The following TMEM132C variants were observed in gnomAD, a reference collection of about 807,000 sequenced individuals.
TMEM132C encodes transmembrane protein 132C.
A neutral mutation model predicts 61.4 loss-of-function variants in TMEM132C; 29 were observed. The observed-to-expected ratio is 0.47, with a 90% CI of 0.35 to 0.64. The LOEUF is 0.64. Ranked by LOEUF, TMEM132C falls within the 30% of genes least tolerant of loss-of-function variation. The pLI is 0.00. For synonymous variants in TMEM132C, 656 were observed against 633.1 expected, an observed-to-expected ratio of 1.04 and a Z score of -0.54; for missense variants, 1,408 against 1,476.9, an observed-to-expected ratio of 0.95 and a Z score of 0.76.
chr12:128,650,683 C>A (rs1215850505), intron 4 of TMEM132C, among the ~76,000 whole-genome samples: 1 of 151,968 alleles, frequency 6.6e-6, no homozygotes. Context: ...GAGCAGTGAA[C>A]TTTTTTGCCA....
rs183364951 is a variant in TMEM132C at position 128,344,332 on chromosome 12, G to A, written c.86-70400G>A. 1.3e-3 allele frequency among the ~76,000 whole-genome samples: 195 copies of A among 152,058 alleles called. 1 individual carries two copies. Among genetic ancestry groups the A allele is most frequent in the Middle Eastern group, 6.8e-3 (2 of 294 alleles). ...GCCACCACATCCGGCTAATTTTTTT[G>A]TATTTTTAGTAGAGACAGGGTTTCA... is the stretch of plus-strand genomic sequence containing the variant. On this transcript the variant is annotated intron_variant, in intron 1 of 8. Coordinates refer to ENST00000435159, the MANE Select transcript of TMEM132C (RefSeq NM_001136103.3).
intron 2 of TMEM132C, among the ~76,000 whole-genome samples, chr12:128,437,134 T>G (rs2398413): frequency 6.6e-6 from 1 of 151,658 alleles, no homozygotes; most frequent in South Asian, 2.1e-4. Flanking sequence ...CATCACACAC[T>G]GGGGCATGTC....
intron 2 of TMEM132C, among the ~76,000 whole-genome samples, chr12:128,505,692 C>G (rs369699129): frequency 1.3e-5 from 2 of 152,360 alleles, no homozygotes; most frequent in East Asian, 1.9e-4. Flanking sequence ...TTGACTACTC[C>G]TCTGCTCAGT....
At chr12:128,380,649 C>T (rs1171778368) in intron 1 of TMEM132C, among the ~76,000 whole-genome samples, 5 of 152,166 alleles carry the variant, frequency 3.3e-5, no homozygotes, top group African/African-American at 7.2e-5. Context: ...GTGGCTCACA[C>T]CTGTGATCCT....
intron 2 of TMEM132C, among the ~76,000 whole-genome samples, chr12:128,447,089 G>A (rs189620771): frequency 1.4e-3 from 215 of 152,290 alleles, no homozygotes; most frequent in Non-Finnish European, 1.7e-3. Context: ...TCTCAGGGCC[G>A]TGGAAACAGC....
At chr12:128,379,843 A>G (rs1458669247) in intron 1 of TMEM132C, among the ~76,000 whole-genome samples, 1 of 152,198 alleles carries the variant, frequency 6.6e-6, no homozygotes, top group Admixed American at 6.5e-5. Context: ...CTTTAAACCC[A>G]AGAGGAGAAA....
chr12:128,461,039 G>C (rs769700706), intron 2 of TMEM132C, among the ~76,000 whole-genome samples: 1 of 152,032 alleles, frequency 6.6e-6, no homozygotes, highest in East Asian at 1.9e-4. Context: ...GTTAATGAAG[G>C]CATGTTTGCA....
chr12:128,341,200 C>G (rs1249205528), intron 1 of TMEM132C, among the ~76,000 whole-genome samples: 4 of 152,132 alleles, frequency 2.6e-5, no homozygotes, highest in African/African-American at 9.7e-5. Flanking sequence ...CTCGGCCTCC[C>G]AAAAACTCTG....
intron 3 of TMEM132C, among the ~76,000 whole-genome samples, chr12:128,610,456 G>A (rs1876593737): frequency 6.6e-6 from 1 of 152,192 alleles, no homozygotes; most frequent in Admixed American, 6.5e-5. Context: ...TATTGTGACT[G>A]TTGGGAGAAT....
chr12:128,464,247 G>A (rs948768800), intron 2 of TMEM132C, among the ~76,000 whole-genome samples: 1 of 152,146 alleles, frequency 6.6e-6, no homozygotes, highest in Non-Finnish European at 1.5e-5. Flanking sequence ...TGCTTCCAAG[G>A]GTAACACTCT....
chr12:128,625,638 A>G (rs1249800877), intron 4 of TMEM132C, among the ~76,000 whole-genome samples: 2 of 152,230 alleles, frequency 1.3e-5, no homozygotes, highest in African/African-American at 4.8e-5. Context: ...AGACTTATTC[A>G]TGACCATGAG....
In TMEM132C at chr12:128,706,347, G is replaced by T. The variant is rs938783108; in HGVS notation, c.*52G>T. The T allele has an allele frequency of 2.1e-6, 3 of 1,454,348 alleles. No homozygotes were observed. The African/African-American group carries it at 4.3e-5, about 21-fold the overall frequency. 90.1% of individuals were successfully genotyped at this position (1,454,348 alleles called of 1,614,324 possible). On this transcript the variant is annotated 3_prime_UTR_variant, in exon 9 of 9. Coordinates refer to ENST00000435159, the MANE Select transcript of TMEM132C (RefSeq NM_001136103.3). ...AGATGCCTTCCTTGTACTGGAAACT[G>T]GCCCAAGTGGGGCAGAAGGCGTTGT...
At chr12:128,531,563 A>G (rs7973018) in intron 2 of TMEM132C, among the ~76,000 whole-genome samples, 58,978 of 151,950 alleles carry the variant, frequency 0.39, 11,956 homozygotes, top group African/African-American at 0.48. Context: ...ACACATAACC[A>G]CAGGTGAAGG....
At chr12:128,522,101 C>T (rs560977242) in intron 2 of TMEM132C, among the ~76,000 whole-genome samples, 32 of 152,294 alleles carry the variant, frequency 2.1e-4, no homozygotes, top group Non-Finnish European at 3.4e-4. Context: ...CCTTGACACA[C>T]GGCCAGAAAA....
intron 1 of TMEM132C, among the ~76,000 whole-genome samples, chr12:128,272,066 A>G (rs1870539674): frequency 1.3e-5 from 2 of 152,196 alleles, no homozygotes; most frequent in Non-Finnish European, 2.9e-5. Context: ...AATAAAATTC[A>G]CCTCTTTGAG....
At chr12:128,556,809 G>C (rs560735157) in intron 3 of TMEM132C, among the ~76,000 whole-genome samples, 31 of 152,268 alleles carry the variant, frequency 2.0e-4, no homozygotes, top group African/African-American at 7.2e-4. Context: ...AATAGAGCAT[G>C]GTGTCCAGCT....
At chr12:128,551,528 C>G (rs1018948764) in intron 3 of TMEM132C, among the ~76,000 whole-genome samples, 1 of 152,132 alleles carries the variant, frequency 6.6e-6, no homozygotes, top group Non-Finnish European at 1.5e-5. Context: ...CCAGAGTGCA[C>G]GTCGTATTTA....
At chr12:128,507,251 C>T (rs1306895262) in intron 2 of TMEM132C, among the ~76,000 whole-genome samples, 1 of 152,082 alleles carries the variant, frequency 6.6e-6, no homozygotes, top group Non-Finnish European at 1.5e-5. Flanking sequence ...CATACTTCAC[C>T]TGGAGACCTA....
At chr12:128,588,093 A>G (rs1232266933) in intron 3 of TMEM132C, among the ~76,000 whole-genome samples, 9 of 152,200 alleles carry the variant, frequency 5.9e-5, no homozygotes. Context: ...TGAGGAAATG[A>G]TTCAAATTTC....
Sources: gnomAD v4.1 joint callset for allele counts (sites outside exome capture counted in the v4.1 genomes callset) on GRCh38, gnomAD v4.1.1 for gene constraint, MANE v1.5 for transcripts, NCBI Gene and HGNC (gene_info 2026-07-23, HGNC 2026-07-21) for gene names.